Variants in LRP1B observed in about 807,000 individuals in gnomAD.
The protein encoded by LRP1B is low-density lipoprotein receptor-related protein 1B.
A neutral mutation model predicts 556.6 loss-of-function variants in LRP1B; 217 were observed. The observed-to-expected ratio is 0.39, with a 90% CI of 0.35 to 0.44. The LOEUF is 0.44. LRP1B is among the 20% of genes least tolerant of loss of function. The pLI is 1.00. For synonymous variants in LRP1B, 2,047 were observed against 1,865.8 expected (o/e 1.10, Z -2.50); for missense variants, 5,053 against 5,620.8 (o/e 0.90, Z 3.23).
intron 41 of LRP1B, among the ~76,000 whole-genome samples, chr2:140,673,403 G>A (rs1685557341): frequency 6.6e-6 from 1 of 151,334 alleles, no homozygotes; most frequent in Non-Finnish European, 1.5e-5. Flanking sequence ...ATTTCTCTTT[G>A]AGCCCTCATC....
chr2:141,027,167 G>C (rs903690846), intron 11 of LRP1B, among the ~76,000 whole-genome samples: 1 of 152,088 alleles, frequency 6.6e-6, no homozygotes, highest in Admixed American at 6.6e-5. Context: ...TACAGTAGAG[G>C]ATGCTTTTGG....
chr2:140,784,817 A>G lies in LRP1B; in HGVS notation c.5360-8579T>C, dbSNP rs564152178. 6.6e-5 allele frequency among the ~76,000 whole-genome samples: 10 copies of G among 152,154 alleles called. No homozygotes were observed. The East Asian group carries it at 1.9e-3, about 29-fold the overall frequency. On this transcript the variant is annotated intron_variant, in intron 32 of 90. Coordinates refer to ENST00000389484, the MANE Select transcript of LRP1B (RefSeq NM_018557.3). ...AAAGTTTAAAGTTGAAAAAATCCTC[A>G]AGGAAATTTTTTTTAAGGAAGGAAA...
intron 2 of LRP1B, among the ~76,000 whole-genome samples, chr2:141,712,152 T>C (rs1692384215): frequency 1.3e-5 from 2 of 152,194 alleles, no homozygotes; most frequent in African/African-American, 2.4e-5. Context: ...CTAATTAATA[T>C]GACAATTAAC....
intron 2 of LRP1B, among the ~76,000 whole-genome samples, chr2:141,776,352 G>A (rs1392189332): frequency 5.9e-5 from 9 of 152,282 alleles, no homozygotes; most frequent in Admixed American, 2.6e-4. Flanking sequence ...ATTGCATGAG[G>A]CATTTTGGCG....
rs1474474521 is a variant in LRP1B at position 141,319,303 on chromosome 2, T to TTTTTTTTTTTTG, written c.344-64663_344-64662insCAAAAAAAAAAA. Among the ~76,000 whole-genome samples, 12 of 121,366 alleles carry TTTTTTTTTTTTG rather than the reference T, an allele frequency of 9.9e-5. 1 individual carries two copies. Among genetic ancestry groups the TTTTTTTTTTTTG allele is most frequent in the African/African-American group, 4.2e-4 (12 of 28,582 alleles). 79.6% of individuals were successfully genotyped at this position (121,366 alleles called of 152,430 possible). A position where few individuals can be genotyped will look rare whatever the true frequency, so the allele number is the denominator to read the frequency against. On this transcript the variant is annotated intron_variant, in intron 3 of 90. Coordinates refer to ENST00000389484, the MANE Select transcript of LRP1B (RefSeq NM_018557.3). ...ATGTAGTCTCTAAAAAGCAGTGTTT[T>TTTTTTTTTTTTG]TTTGTTGTTTTTTTTTTTTTTCCTA...
At chr2:140,829,735 A>G (rs1185508192) in intron 31 of LRP1B, among the ~76,000 whole-genome samples, 1 of 152,082 alleles carries the variant, frequency 6.6e-6, no homozygotes, top group African/African-American at 2.4e-5. Flanking sequence ...AGAATAAACC[A>G]ATCCCAAAAG....
chr2:140,785,454 A>G (rs1689862362), intron 32 of LRP1B, among the ~76,000 whole-genome samples: 1 of 152,202 alleles, frequency 6.6e-6, no homozygotes, highest in Admixed American at 6.5e-5. Context: ...AGAGAACTTC[A>G]AGAAAAATAC....
intron 5 of LRP1B, among the ~76,000 whole-genome samples, chr2:141,242,857 G>GT (rs1465953665): frequency 6.6e-6 from 1 of 152,014 alleles, no homozygotes; most frequent in Non-Finnish European, 1.5e-5. Context: ...TTTATTAGGA[G>GT]TAAAATTGCC....
chr2:140,442,660 A>G (rs973748920), intron 65 of LRP1B, 37 bp from the exon 66 acceptor site: 4 of 1,604,804 alleles, frequency 2.5e-6, no homozygotes, highest in East Asian at 2.2e-5. Context: ...GTAGCTTTGG[A>G]GAACATATTT....
rs543509466 is a variant in LRP1B, at chr2:141,713,934, A to T, written c.205+96345T>A. ...GCTATAGAGCAATGTTGGCACCCAGATCTGCCAAATGTATTCAGTAATAGT... is the reference window on the plus strand; with the variant it reads ...GCTATAGAGCAATGTTGGCACCCAGTTCTGCCAAATGTATTCAGTAATAGT... On this transcript the variant is annotated intron_variant, in intron 2 of 90. Transcript: ENST00000389484. Among the ~76,000 whole-genome samples the T allele has an allele frequency of 6.0e-4, 91 of 152,266 alleles. No individual in the cohort carries two copies. In the Middle Eastern group the frequency reaches 0.01, roughly 17 times the overall value.
chr2:140,547,101 G>T (rs1574066541), intron 43 of LRP1B, among the ~76,000 whole-genome samples: 1 of 152,196 alleles, frequency 6.6e-6, no homozygotes, highest in South Asian at 2.1e-4. Flanking sequence ...CAAGGATATT[G>T]GTCCGAAGTT....
In LRP1B at chr2:140,994,023, G is replaced by T. The variant is rs13007735; in HGVS notation, c.2616C>A (p.Asp872Glu). 6.2e-7 allele frequency: 1 copy of T among 1,612,128 alleles called. No homozygotes were observed. The highest frequency in any genetic ancestry group is 1.3e-5 in the African/African-American group (1 of 74,774). ...AGTTTACTGAATCCTCATCGCTTCCGTCTAGGCAGTCATCGTCGCCATCAC... is the reference window on the plus strand; with the variant it reads ...AGTTTACTGAATCCTCATCGCTTCCTTCTAGGCAGTCATCGTCGCCATCAC... Reference protein sequence around the residue: ...WKCDGDDDCLDGSDEDSVNCF... With the variant: ...WKCDGDDDCLEGSDEDSVNCF... The change falls in exon 16 of 91, where the codon GAC (aspartate) becomes GAA (glutamate). Residue 872 changes from aspartate to glutamate, a missense_variant. By Grantham distance (45) the Asp-to-Glu change is conservative. Coordinates refer to ENST00000389484, the MANE Select transcript of LRP1B (RefSeq NM_018557.3).
chr2:140,591,165 A>G (rs1374123193), intron 43 of LRP1B, among the ~76,000 whole-genome samples: 2 of 152,220 alleles, frequency 1.3e-5, no homozygotes, highest in African/African-American at 2.4e-5. Context: ...ATATTGAATG[A>G]TGCCTCCTGA....
intron 7 of LRP1B, among the ~76,000 whole-genome samples, chr2:141,098,405 T>C (rs918146390): frequency 6.6e-6 from 1 of 152,210 alleles, no homozygotes. Context: ...ATAATTATTG[T>C]ATAATGTGAA....
chr2:140,803,740 A>G (rs1347421943), intron 32 of LRP1B, among the ~76,000 whole-genome samples: 1 of 152,164 alleles, frequency 6.6e-6, no homozygotes, highest in African/African-American at 2.4e-5. Flanking sequence ...TGTAGATCAT[A>G]GTTTACAAAT....
At chr2:141,477,309 AAAAG>A (rs902739954) in intron 3 of LRP1B, among the ~76,000 whole-genome samples, 3 of 151,836 alleles carry the variant, frequency 2.0e-5, no homozygotes, top group South Asian at 2.1e-4. Flanking sequence ...AAAAAAAAAA[AAAAG>A]AAAGAATTTC....
In LRP1B at chr2:141,300,156, C is replaced by T. The variant is rs528129876; in HGVS notation, c.344-45515G>A. On this transcript the variant is annotated intron_variant, in intron 3 of 90. Coordinates refer to ENST00000389484, the MANE Select transcript of LRP1B (RefSeq NM_018557.3). ...CCAATTATGCTAGCACTCTGATCTT[C>T]GACTTCCAGGCTTCAGAACTAAGCA... Among the ~76,000 whole-genome samples, 4 of 152,266 alleles carry T rather than the reference C, an allele frequency of 2.6e-5. No homozygotes were observed. In the South Asian group the frequency reaches 6.2e-4, roughly 24 times the overall value.
At chr2:141,151,073 C>T (rs887371147) in intron 7 of LRP1B, among the ~76,000 whole-genome samples, 28 of 152,086 alleles carry the variant, frequency 1.8e-4, no homozygotes, top group Non-Finnish European at 4.0e-4. Context: ...TTACAACATG[C>T]GTATCAGACA....
intron 2 of LRP1B, among the ~76,000 whole-genome samples, chr2:141,658,506 G>GACAC (rs1558785989): frequency 6.6e-6 from 1 of 152,166 alleles, no homozygotes; most frequent in South Asian, 2.1e-4. Context: ...GTCCCTGAGA[G>GACAC]ACACTAGCCT....
Sources: allele counts gnomAD v4.1 joint callset (sites outside exome capture counted in the v4.1 genomes callset), GRCh38; gene constraint gnomAD v4.1.1; transcripts MANE v1.5; gene names NCBI Gene and HGNC (gene_info 2026-07-23, HGNC 2026-07-21).